Variants in CCDC178 observed in about 807,000 individuals in gnomAD.
CCDC178 encodes coiled-coil domain-containing protein 178.
In CCDC178, 126 loss-of-function variants were observed where a neutral mutation model predicts 117.4. The observed-to-expected ratio is 1.07, with a 90% CI of 0.93 to 1.24. The LOEUF is 1.24. Ranked by LOEUF, CCDC178 falls within the 50% of genes most tolerant of loss-of-function variation. The pLI, the probability that CCDC178 is intolerant of heterozygous loss-of-function variation, is 0.00. For missense variants in CCDC178, 1,030 were observed against 986.9 expected, an observed-to-expected ratio of 1.04 and a Z score of -0.59; for synonymous variants, 283 against 313.4, an observed-to-expected ratio of 0.90 and a Z score of 1.02.
intron 11 of CCDC178, among the ~76,000 whole-genome samples, chr18:33,306,719 AGTAATT>A (rs1196039687): frequency 6.6e-6 from 1 of 151,712 alleles, no homozygotes; most frequent in Non-Finnish European, 1.5e-5. Flanking sequence ...ATGTGGACTT[AGTAATT>A]GATAAGATTT....
At chr18:33,071,546 T>C (rs1199393380) in intron 21 of CCDC178, among the ~76,000 whole-genome samples, 1 of 152,014 alleles carries the variant, frequency 6.6e-6, no homozygotes, top group Non-Finnish European at 1.5e-5. Flanking sequence ...GCCAGACCCA[T>C]TAAACAGTGT....
chr18:33,351,420 T>C (rs1185314495), intron 7 of CCDC178, among the ~76,000 whole-genome samples: 5 of 152,180 alleles, frequency 3.3e-5, no homozygotes, highest in Non-Finnish European at 5.9e-5. Context: ...CTCAAACTCC[T>C]GACCTCAGGT....
intron 20 of CCDC178, among the ~76,000 whole-genome samples, chr18:33,154,585 C>T (rs545224398): frequency 7.2e-5 from 11 of 151,834 alleles, no homozygotes; most frequent in Non-Finnish European, 1.5e-4. Context: ...ATAAATAATG[C>T]AAATGAAGTA....
intron 21 of CCDC178, among the ~76,000 whole-genome samples, chr18:33,054,577 C>A (rs1388670345): frequency 5.9e-5 from 9 of 152,206 alleles, no homozygotes; most frequent in Admixed American, 5.9e-4. Flanking sequence ...CAACTCCATC[C>A]ATGTCCCTGC....
chr18:33,017,695 A>G (rs1467140569), intron 21 of CCDC178, among the ~76,000 whole-genome samples: 1 of 152,074 alleles, frequency 6.6e-6, no homozygotes, highest in Non-Finnish European at 1.5e-5. Flanking sequence ...AACTTGCTAC[A>G]AAGTTACAAA....
chr18:33,054,259 C>T (rs1016760586), intron 21 of CCDC178, among the ~76,000 whole-genome samples: 3 of 152,048 alleles, frequency 2.0e-5, no homozygotes, highest in African/African-American at 4.8e-5. Flanking sequence ...ACACATTTTT[C>T]TTTTTTCTTC....
intron 15 of CCDC178, among the ~76,000 whole-genome samples, chr18:33,232,253 T>A (rs889461723): frequency 6.6e-6 from 1 of 152,128 alleles, no homozygotes; most frequent in Non-Finnish European, 1.5e-5. Flanking sequence ...AATAGATTCC[T>A]GTACTAGGAC....
intron 3 of CCDC178, among the ~76,000 whole-genome samples, chr18:33,403,744 C>A (rs1226532807): frequency 1.3e-5 from 2 of 152,006 alleles, no homozygotes; most frequent in Admixed American, 1.3e-4. Context: ...GTTGCTGGAG[C>A]CAAAAATGGG....
chr18:33,165,776 G>C (rs939761949), intron 20 of CCDC178, among the ~76,000 whole-genome samples: 2 of 152,106 alleles, frequency 1.3e-5, no homozygotes, highest in African/African-American at 4.8e-5. Context: ...GCTTTTCCTA[G>C]AGACAGCTTA....
At chr18:32,984,002 A>G (rs915858897) in intron 21 of CCDC178, among the ~76,000 whole-genome samples, 1 of 152,044 alleles carries the variant, frequency 6.6e-6, no homozygotes, top group East Asian at 1.9e-4. Flanking sequence ...CTATACATGT[A>G]CAATATACAA....
intron 21 of CCDC178, among the ~76,000 whole-genome samples, chr18:33,090,474 T>C (rs1180695924): frequency 6.6e-6 from 1 of 152,130 alleles, no homozygotes; most frequent in East Asian, 1.9e-4. Context: ...CAAACTAAAC[T>C]GGCCAAAGAA....
intron 22 of CCDC178, among the ~76,000 whole-genome samples, chr18:32,969,423 C>G (rs2054879980): frequency 6.6e-6 from 1 of 152,022 alleles, no homozygotes; most frequent in Non-Finnish European, 1.5e-5. Flanking sequence ...CACGCTTGGA[C>G]AGAAATACTT....
chr18:33,195,132 A>G (rs1853778069), intron 20 of CCDC178, among the ~76,000 whole-genome samples: 1 of 107,972 alleles, frequency 9.3e-6, no homozygotes, highest in Non-Finnish European at 1.8e-5. Flanking sequence ...AAAAAAAGAG[A>G]GAGAGAGAGA....
chr18:33,373,089 C>T (rs2063321818), intron 5 of CCDC178, among the ~76,000 whole-genome samples: 1 of 152,140 alleles, frequency 6.6e-6, no homozygotes, highest in Admixed American at 6.6e-5. Context: ...GAACATAAAG[C>T]ATCTTTAATC....
intron 21 of CCDC178, among the ~76,000 whole-genome samples, chr18:32,990,826 A>G (rs1257502469): frequency 6.6e-6 from 1 of 151,920 alleles, no homozygotes; most frequent in Non-Finnish European, 1.5e-5. Flanking sequence ...GGGATGACTG[A>G]TACCAATATG....
At chr18:33,253,532 T>C (rs182534147) in intron 14 of CCDC178, among the ~76,000 whole-genome samples, 1 of 151,912 alleles carries the variant, frequency 6.6e-6, no homozygotes, top group East Asian at 1.9e-4. Flanking sequence ...GGGAAGGTGA[T>C]TCAGATAAAT....
At chr18:33,313,955 C>T (rs1217176870) in intron 11 of CCDC178, among the ~76,000 whole-genome samples, 1 of 151,800 alleles carries the variant, frequency 6.6e-6, no homozygotes, top group African/African-American at 2.4e-5. Context: ...AATCCCAGCA[C>T]TTTGGGAGGC....
intron 6 of CCDC178, among the ~76,000 whole-genome samples, chr18:33,368,366 AG>A (rs1778256999): frequency 6.6e-6 from 1 of 152,000 alleles, no homozygotes. Context: ...ACAGTTATTG[AG>A]TGCCTACTAT....
chr18:33,343,937 A>C (rs928103822), intron 9 of CCDC178, among the ~76,000 whole-genome samples: 18 of 152,168 alleles, frequency 1.2e-4, no homozygotes, highest in Non-Finnish European at 2.6e-4. Flanking sequence ...ATTCTACATA[A>C]ATAATATAAA....
Sources: allele counts gnomAD v4.1 joint callset (sites outside exome capture counted in the v4.1 genomes callset), GRCh38; gene constraint gnomAD v4.1.1; transcripts MANE v1.5; gene names NCBI Gene and HGNC (gene_info 2026-07-23, HGNC 2026-07-21).